Variants in ROR2 observed in about 807,000 individuals in gnomAD.
The protein encoded by ROR2 is ROR family WNT receptor 2.
A neutral mutation model predicts 74.9 loss-of-function variants in ROR2; 33 were observed. That is an observed-to-expected ratio of 0.44 (90% CI 0.33 to 0.59). ROR2 has a LOEUF of 0.59. Ranked by LOEUF, ROR2 falls within the 20% of genes least tolerant of loss-of-function variation. The probability of loss-of-function intolerance (pLI) is 0.02; values close to 1 mark genes in which losing one functional copy is unlikely to be tolerated. For missense variants in ROR2, 1,216 were observed against 1,313.8 expected, an observed-to-expected ratio of 0.93 and a Z score of 1.15; for synonymous variants, 586 against 558.7, an observed-to-expected ratio of 1.05 and a Z score of -0.69.
chr9:91,784,109 C>G (rs746256915), intron 1 of ROR2, among the ~76,000 whole-genome samples: 4 of 152,126 alleles, frequency 2.6e-5, no homozygotes, highest in African/African-American at 4.8e-5. Context: ...TTGACCTGTC[C>G]ACACCACAGC....
rs1450340956 is a variant in ROR2 at position 91,723,364 on chromosome 9, GCTCA to G, written c.*294_*297del. ...CCTATTTTCTTGAAAGGCATTTGCTGCTCACTACCAGTCTACCACCAGAATCAAT... is the reference window on the plus strand; with the variant it reads ...CCTATTTTCTTGAAAGGCATTTGCTGCTACCAGTCTACCACCAGAATCAAT... On this transcript the variant is annotated 3_prime_UTR_variant, in exon 9 of 9. Transcript: ENST00000375708. The G allele has an allele frequency of 2.4e-6, 1 of 412,072 alleles. No individual in the cohort carries two copies. The highest frequency in any genetic ancestry group is 4.4e-6 in the Non-Finnish European group (1 of 228,946). 25.5% of individuals were successfully genotyped at this position (412,072 alleles called of 1,614,324 possible).
chr9:91,906,752 G>A (rs1830828844), intron 1 of ROR2, among the ~76,000 whole-genome samples: 1 of 152,156 alleles, frequency 6.6e-6, no homozygotes, highest in Non-Finnish European at 1.5e-5. Context: ...TGCAGTAGCT[G>A]GAGGGAGAAC....
At chr9:91,941,715 C>T (rs1371780234) in intron 1 of ROR2, among the ~76,000 whole-genome samples, 2 of 152,168 alleles carry the variant, frequency 1.3e-5, no homozygotes, top group Admixed American at 1.3e-4. Context: ...GTCTTCTCTA[C>T]CTACCCTGTG....
intron 1 of ROR2, among the ~76,000 whole-genome samples, chr9:91,815,379 T>C (rs903016277): frequency 2.0e-5 from 3 of 152,274 alleles, no homozygotes; most frequent in African/African-American, 7.2e-5. Context: ...GGCATTTTCA[T>C]TCATAATAAA....
chr9:91,949,859 G>C lies in ROR2; in HGVS notation c.97+8C>G, dbSNP rs770494951. 6.6e-7 allele frequency: 1 copy of C among 1,523,592 alleles called. No homozygotes were observed. Among genetic ancestry groups the C allele is most frequent in the South Asian group, 1.2e-5 (1 of 83,544 alleles). The allele number at this position is 1,523,592 out of a possible 1,614,324, so 94.4% of individuals were successfully genotyped here. On this transcript the variant is annotated splice_region_variant and intron_variant, in intron 1 of 8. Coordinates refer to ENST00000375708, the MANE Select transcript of ROR2 (RefSeq NM_004560.4). The stretch of plus-strand genomic sequence containing the variant: ...CGTCTGCGCACAAGCCGGAACGCCA[G>C]ATCCTACCTGAAGTCCGGGACACTG...
At position 91,723,939 on chromosome 9, in the gene ROR2, G is replaced by A. The variant is rs1366867361; in HGVS notation, c.2555C>T (p.Pro852Leu). ...IPMQMAPQQV[P>L]PQMVPKPSSH... The stretch of plus-strand genomic sequence containing the variant: ...GCTGGGCTTGGGGACCATCTGAGGA[G>A]GCACCTGCTGCGGGGCCATCTGCAT... Residue 852 changes from proline (P) to leucine (L), a missense_variant, in exon 9 of 9, where the codon CCT (proline) becomes CTT (leucine). By Grantham distance (98) the Pro-to-Leu change is moderately conservative. Transcript: ENST00000375708. 5.0e-6 allele frequency: 8 copies of A among 1,613,596 alleles called. No individual in the cohort carries two copies. The highest frequency in any genetic ancestry group is 6.8e-6 in the Non-Finnish European group (8 of 1,180,036).
intron 8 of ROR2, among the ~76,000 whole-genome samples, chr9:91,725,510 T>C (rs1249313342): frequency 6.6e-6 from 1 of 152,140 alleles, no homozygotes; most frequent in Admixed American, 6.5e-5. Context: ...CCCCCATGTG[T>C]GCCGACACAT....
rs1319796022 is a variant in ROR2, at chr9:91,761,374, G to A, written c.176-3815C>T. Among the ~76,000 whole-genome samples, 3 of 152,172 alleles carry A rather than the reference G, an allele frequency of 2.0e-5. No homozygotes were observed. In the South Asian group the frequency reaches 6.2e-4, roughly 32 times the overall value. The stretch of plus-strand genomic sequence containing the variant: ...TTTATACAACTCACCATAATGTGTA[G>A]AATCAGTGGGAGCCCTGAGCTTGTT... On this transcript the variant is annotated intron_variant, in intron 2 of 8. Transcript: ENST00000375708.
At chr9:91,794,911 C>T (rs1187642507) in intron 1 of ROR2, among the ~76,000 whole-genome samples, 1 of 152,056 alleles carries the variant, frequency 6.6e-6, no homozygotes, top group African/African-American at 2.4e-5. Flanking sequence ...GACTTGAGGT[C>T]AAGACTTCGA....
intron 1 of ROR2, among the ~76,000 whole-genome samples, chr9:91,826,287 AT>A (rs1360953251): frequency 6.6e-6 from 1 of 152,180 alleles, no homozygotes; most frequent in Non-Finnish European, 1.5e-5. Context: ...ACGCCATTTC[AT>A]TGTTATACCC....
At chr9:91,828,420 G>T (rs978351264) in intron 1 of ROR2, among the ~76,000 whole-genome samples, 1 of 152,158 alleles carries the variant, frequency 6.6e-6, no homozygotes, top group African/African-American at 2.4e-5. Flanking sequence ...GGGCTTTAAT[G>T]TACATATTCT....
chr9:91,740,196 G>T (rs932907338), intron 4 of ROR2, among the ~76,000 whole-genome samples: 6 of 152,136 alleles, frequency 3.9e-5, no homozygotes, highest in African/African-American at 1.4e-4. Context: ...GGTGGAGGGT[G>T]CTCCTGCCAT....
chr9:91,816,696 A>AC (rs943291160), intron 1 of ROR2, among the ~76,000 whole-genome samples: 5 of 40,648 alleles, frequency 1.2e-4, no homozygotes, highest in African/African-American at 1.9e-4. Flanking sequence ...CCACCCCCCC[A>AC]CCCCCCCAAC....
At chr9:91,774,710 G>T (rs1301230199) in intron 2 of ROR2, among the ~76,000 whole-genome samples, 1 of 152,166 alleles carries the variant, frequency 6.6e-6, no homozygotes, top group Non-Finnish European at 1.5e-5. Flanking sequence ...GAGAAGAAAT[G>T]TAACTATGTG....
At chr9:91,775,704 T>C in intron 2 of ROR2, 37 bp downstream of exon 2, 1 of 1,593,900 alleles carries the variant, frequency 6.3e-7, no homozygotes, top group African/African-American at 1.3e-5. Flanking sequence ...ACAGGGCATT[T>C]GGAGGACATG....
chr9:91,858,709 A>G (rs1261006542), intron 1 of ROR2, among the ~76,000 whole-genome samples: 1 of 152,170 alleles, frequency 6.6e-6, no homozygotes, highest in Non-Finnish European at 1.5e-5. Flanking sequence ...CACAGGCAGT[A>G]ATAATAACAA....
At chr9:91,924,303 G>T (rs1458859578) in intron 1 of ROR2, among the ~76,000 whole-genome samples, 1 of 152,224 alleles carries the variant, frequency 6.6e-6, no homozygotes, top group Non-Finnish European at 1.5e-5. Flanking sequence ...TAGTCCCTGC[G>T]GTGGAGAGAG....
Position 91,905,839 on chromosome 9 carries a change from G to A in ROR2, c.97+44028C>T, listed in dbSNP as rs1830801290. ...GAGCCAATCAACTTTTTTTTTTTAA[G>A]AGCTAAGAGCAGAGCCTCTCCTGGG... On this transcript the variant is annotated intron_variant, in intron 1 of 8. Coordinates refer to ENST00000375708, the MANE Select transcript of ROR2 (RefSeq NM_004560.4). The surrounding 1 kb of genome is among the most constrained non-coding windows in gnomAD (Gnocchi z 5.3). 6.6e-6 allele frequency among the ~76,000 whole-genome samples: 1 copy of A among 151,264 alleles called. No homozygotes were observed. Among genetic ancestry groups the A allele is most frequent in the South Asian group, 2.1e-4 (1 of 4,804 alleles).
At chr9:91,913,127 T>A (rs777505963) in intron 1 of ROR2, among the ~76,000 whole-genome samples, 6 of 151,752 alleles carry the variant, frequency 4.0e-5, no homozygotes, top group Admixed American at 6.6e-5. Context: ...AGAGACTCCA[T>A]CTAAACAAGA....
Sources: allele counts gnomAD v4.1 joint callset (sites outside exome capture counted in the v4.1 genomes callset), GRCh38; gene constraint gnomAD v4.1.1; non-coding constraint Gnocchi (gnomAD v3.1); transcripts MANE v1.5; gene names NCBI Gene and HGNC (gene_info 2026-07-23, HGNC 2026-07-21).